EDA: variants seen among roughly 807,000 people sequenced by gnomAD.
The protein encoded by EDA is ectodysplasin A.
Under a neutral mutation model 23.6 loss-of-function variants are expected in EDA, and 2 were observed. The ratio of observed to expected loss-of-function variants is 0.08; its 90% CI spans 0.03 to 0.27. EDA has a LOEUF of 0.27. Among genes scored for constraint, EDA ranks in the 10% least tolerant of loss-of-function variants. The probability of loss-of-function intolerance (pLI) is 1.00; values close to 1 mark genes in which losing one functional copy is unlikely to be tolerated. For missense variants in EDA, 229 were observed against 324.2 expected (o/e 0.71, Z 2.26); for synonymous variants, 131 against 132.0 (o/e 0.99, Z 0.05).
intron 1 of EDA, among the ~76,000 whole-genome samples, chrX:69,774,471 T>C (rs1309269612): frequency 8.9e-6 from 1 of 112,121 alleles, no homozygotes; most frequent in Non-Finnish European, 1.9e-5. Context: ...AGGCAGCCAC[T>C]GGACTCATTT....
chrX:70,009,569 T>G (rs758209410), intron 2 of EDA, among the ~76,000 whole-genome samples: 41 of 70,428 alleles, frequency 5.8e-4, no homozygotes, highest in Non-Finnish European at 1.1e-3. Context: ...GTTTGGGTTT[T>G]GTTTTGTTTT....
At position 70,039,292 on chromosome X, in the gene EDA, G is replaced by C. The variant is rs2020302143; in HGVS notation, c.*3683G>C. 3 of 111,982 alleles carry C rather than the reference G, an allele frequency of 2.7e-5. No homozygotes were observed. In the South Asian group the frequency reaches 1.1e-3, roughly 42 times the overall value. The allele number at this position is 111,982 out of a possible 1,213,427, so 9.2% of individuals were successfully genotyped here. A position where few individuals can be genotyped will look rare whatever the true frequency, so the allele number is the denominator to read the frequency against. On this transcript the variant is annotated 3_prime_UTR_variant, in exon 8 of 8. Transcript: ENST00000374552. ...CTATATTCCTCCAGCTGGGATTGGG[G>C]GGTGGGCTTTGTTGTGAGAATGGCC...
chrX:69,717,171 T>C (rs1307219422), intron 1 of EDA, among the ~76,000 whole-genome samples: 1 of 111,057 alleles, frequency 9.0e-6, no homozygotes, highest in African/African-American at 3.3e-5. Context: ...GCTTCCAGCT[T>C]TTGCCCATTC....
Position 69,882,827 on chromosome X carries a change from C to T in EDA, c.397-74200C>T, listed in dbSNP as rs1218047107. Among the ~76,000 whole-genome samples, 3 of 111,191 alleles carry T rather than the reference C, an allele frequency of 2.7e-5. No homozygotes were observed. The Admixed American group carries it at 2.9e-4, about 11-fold the overall frequency. ...AAGCGATTCTCCTGCCTCAGCCTCC[C>T]GAGTAGCTGGGATTACAGGCATGCG... On this transcript the variant is annotated intron_variant, in intron 1 of 7. Transcript: ENST00000374552.
At chrX:70,015,409 C>T (rs1436197617) in intron 2 of EDA, among the ~76,000 whole-genome samples, 2 of 111,526 alleles carry the variant, frequency 1.8e-5, no homozygotes, top group Non-Finnish European at 3.8e-5. Context: ...TCTGTCTCTA[C>T]TAAAAATACA....
chrX:69,701,566 A>G (rs1279044971), intron 1 of EDA, among the ~76,000 whole-genome samples: 2 of 111,343 alleles, frequency 1.8e-5, no homozygotes, highest in Non-Finnish European at 1.9e-5. Flanking sequence ...CAAAATTAAG[A>G]AGGTCTTGTT....
Position 69,957,007 on chromosome X carries a change from T to C in EDA, c.397-20T>C. On this transcript the variant is annotated intron_variant, in intron 1 of 7. Transcript: ENST00000374552. ...CTGAGTGGGGTCAACCTTTGACTAA[T>C]GTACTTGTAATTTTTACAGATGGCC... 1 of 1,193,483 alleles carries C rather than the reference T, an allele frequency of 8.4e-7. No individual in the cohort carries two copies. Among genetic ancestry groups the C allele is most frequent in the Non-Finnish European group, 1.1e-6 (1 of 879,147 alleles).
intron 1 of EDA, among the ~76,000 whole-genome samples, chrX:69,806,229 A>T (rs1483015805): frequency 9.0e-6 from 1 of 111,457 alleles, no homozygotes; most frequent in East Asian, 2.8e-4. Flanking sequence ...TGAATTTTAG[A>T]CTTTGTTCTG....
At chrX:69,717,421 A>G (rs1287452264) in intron 1 of EDA, among the ~76,000 whole-genome samples, 4 of 110,707 alleles carry the variant, frequency 3.6e-5, no homozygotes, top group Admixed American at 9.6e-5. Flanking sequence ...TATTGTCAGT[A>G]TATAGAAAAG....
At chrX:69,949,690 G>A (rs2018885175) in intron 1 of EDA, among the ~76,000 whole-genome samples, 2 of 111,805 alleles carry the variant, frequency 1.8e-5, no homozygotes, top group South Asian at 3.8e-4. Flanking sequence ...TTAAGGAATG[G>A]ATTGGTGATA....
chrX:69,983,648 C>T (rs1251944158), intron 2 of EDA, among the ~76,000 whole-genome samples: 5 of 54,530 alleles, frequency 9.2e-5, no homozygotes, highest in Admixed American at 4.9e-4. Flanking sequence ...GATGGGCTTT[C>T]CTTTGAGGGT....
chrX:69,675,333 T>G (rs1569291574), intron 1 of EDA, among the ~76,000 whole-genome samples: 2 of 112,015 alleles, frequency 1.8e-5, no homozygotes, highest in Non-Finnish European at 3.8e-5. Context: ...CTGACTTCAT[T>G]CTTAAGCTTC....
At chrX:69,873,210 A>G (rs2017593017) in intron 1 of EDA, among the ~76,000 whole-genome samples, 1 of 111,900 alleles carries the variant, frequency 8.9e-6, no homozygotes, top group Non-Finnish European at 1.9e-5. Flanking sequence ...AATAATAGTG[A>G]CACAACCTAT....
chrX:69,867,996 A>G (rs1357237693), intron 1 of EDA, among the ~76,000 whole-genome samples: 4 of 111,801 alleles, frequency 3.6e-5, no homozygotes, highest in Non-Finnish European at 7.5e-5. Context: ...CCATAGTCAA[A>G]CTGGAAAAGC....
At chrX:69,695,304 G>A (rs1341044896) in intron 1 of EDA, among the ~76,000 whole-genome samples, 1 of 108,418 alleles carries the variant, frequency 9.2e-6, no homozygotes, top group Non-Finnish European at 1.9e-5. Context: ...AAAAGAAAAA[G>A]GAAAGGAAGA....
intron 1 of EDA, among the ~76,000 whole-genome samples, chrX:69,835,734 C>T (rs908489714): frequency 1.1e-4 from 12 of 112,002 alleles, no homozygotes; most frequent in African/African-American, 6.5e-5. Context: ...CAGTCATTCT[C>T]CATCCAGCTT....
chrX:69,780,779 C>T (rs901024106), intron 1 of EDA, among the ~76,000 whole-genome samples: 1 of 110,925 alleles, frequency 9.0e-6, no homozygotes, highest in African/African-American at 3.3e-5. Flanking sequence ...ATCCTTCCAC[C>T]AAGACTGTAA....
At chrX:69,741,369 T>A (rs2013455781) in intron 1 of EDA, among the ~76,000 whole-genome samples, 1 of 111,878 alleles carries the variant, frequency 8.9e-6, no homozygotes, top group African/African-American at 3.2e-5. Flanking sequence ...GTTGTTATTG[T>A]TTGCTAGTTG....
At chrX:69,707,911 T>TA (rs770369624) in intron 1 of EDA, among the ~76,000 whole-genome samples, 21 of 111,315 alleles carry the variant, frequency 1.9e-4, no homozygotes, top group Admixed American at 1.6e-3. Flanking sequence ...ATTGTGGATT[T>TA]AAAAAAATGC....
Sources: allele counts gnomAD v4.1 joint callset (sites outside exome capture counted in the v4.1 genomes callset), GRCh38; gene constraint gnomAD v4.1.1; transcripts MANE v1.5; gene names NCBI Gene and HGNC (gene_info 2026-07-23, HGNC 2026-07-21).